The following MAGI2 variants were observed in gnomAD, a reference collection of about 807,000 sequenced individuals.
MAGI2 encodes membrane-associated guanylate kinase, WW and PDZ domain-containing protein 2.
MAGI2 carries 35 observed loss-of-function variants against 133.3 expected under a neutral mutation model. The observed-to-expected ratio is 0.26, with a 90% CI of 0.20 to 0.35. The LOEUF (loss-of-function observed/expected upper bound fraction) is 0.35, where lower values mean the gene tolerates loss of function less well. Among genes scored for constraint, MAGI2 ranks in the 10% least tolerant of loss-of-function variants. The pLI is 1.00. For missense variants in MAGI2, 1,636 were observed against 1,863.4 expected (o/e 0.88, Z 2.25); for synonymous variants, 729 against 710.6 (o/e 1.03, Z -0.41).
At chr7:78,867,412 T>C (rs1794650210) in intron 2 of MAGI2, among the ~76,000 whole-genome samples, 2 of 150,764 alleles carry the variant, frequency 1.3e-5, no homozygotes, top group South Asian at 4.2e-4. Flanking sequence ...AAATTGGAAA[T>C]CATCATTCTC....
chr7:78,323,182 C>A (rs1412601269), intron 9 of MAGI2, among the ~76,000 whole-genome samples: 2 of 152,056 alleles, frequency 1.3e-5, no homozygotes, highest in East Asian at 3.9e-4. Context: ...GTTTTCTAGG[C>A]AAGAATATCA....
chr7:78,406,755 A>G (rs1797415003), intron 6 of MAGI2, among the ~76,000 whole-genome samples: 1 of 152,204 alleles, frequency 6.6e-6, no homozygotes, highest in East Asian at 1.9e-4. Flanking sequence ...CACTTTACAC[A>G]GCTGTAAACT....
intron 1 of MAGI2, among the ~76,000 whole-genome samples, chr7:79,076,824 G>T (rs982559202): frequency 6.6e-6 from 1 of 151,964 alleles, no homozygotes. Flanking sequence ...TATTGTGGTG[G>T]ACATTTGCCA....
chr7:78,370,610 C>T (rs1793823563), intron 6 of MAGI2, among the ~76,000 whole-genome samples: 1 of 112,594 alleles, frequency 8.9e-6, no homozygotes, highest in Non-Finnish European at 2.2e-5. Flanking sequence ...ACCTTCCCAA[C>T]TCATAAAAAA....
intron 2 of MAGI2, among the ~76,000 whole-genome samples, chr7:78,741,209 C>G (rs373322125): frequency 2.6e-5 from 4 of 151,944 alleles, no homozygotes; most frequent in African/African-American, 9.7e-5. Context: ...GTTGGGTAAT[C>G]TAAGAAGCTT....
At chr7:78,715,392 A>T (rs1467502478) in intron 2 of MAGI2, among the ~76,000 whole-genome samples, 1 of 152,194 alleles carries the variant, frequency 6.6e-6, no homozygotes, top group East Asian at 1.9e-4. Flanking sequence ...TATATTTTTA[A>T]AGTTTCCTTG....
chr7:78,628,334 C>A (rs1217279805), intron 2 of MAGI2, among the ~76,000 whole-genome samples: 1 of 152,122 alleles, frequency 6.6e-6, no homozygotes, highest in African/African-American at 2.4e-5. Context: ...CATTGGCAGG[C>A]TTCATATATA....
At chr7:78,751,026 C>A (rs1400557363) in intron 2 of MAGI2, among the ~76,000 whole-genome samples, 1 of 152,062 alleles carries the variant, frequency 6.6e-6, no homozygotes. Flanking sequence ...ACAGACAAAT[C>A]TAACCCATGG....
chr7:79,350,616 T>G (rs992408769), intron 1 of MAGI2, among the ~76,000 whole-genome samples: 30 of 152,270 alleles, frequency 2.0e-4, no homozygotes, highest in African/African-American at 6.7e-4. Context: ...CATCTTCCTT[T>G]GAATTTTTGT....
chr7:79,423,742 A>G (rs1847140444), intron 1 of MAGI2, among the ~76,000 whole-genome samples: 1 of 152,058 alleles, frequency 6.6e-6, no homozygotes, highest in Non-Finnish European at 1.5e-5. Context: ...CAATCAACCA[A>G]TCTTGGAGTC....
At chr7:79,219,652 G>A (rs112889060) in intron 1 of MAGI2, among the ~76,000 whole-genome samples, 1 of 152,006 alleles carries the variant, frequency 6.6e-6, no homozygotes, top group Non-Finnish European at 1.5e-5. Flanking sequence ...AATGACAAAT[G>A]AATGAGACAT....
chr7:79,301,380 C>A (rs1581655), intron 1 of MAGI2, among the ~76,000 whole-genome samples: 25,111 of 152,164 alleles, frequency 0.17, 2,359 homozygotes, highest in East Asian at 0.35. Flanking sequence ...ACCAATGTGC[C>A]CTGGATGTGG....
At chr7:79,290,310 A>T (rs1836362656) in intron 1 of MAGI2, among the ~76,000 whole-genome samples, 1 of 151,794 alleles carries the variant, frequency 6.6e-6, no homozygotes. Flanking sequence ...AGCTTCGATC[A>T]CTTTTGCTAT....
chr7:78,635,839 C>T lies in MAGI2; in HGVS notation c.419-8600G>A, dbSNP rs139063085. On this transcript the variant is annotated intron_variant, in intron 2 of 21. Coordinates refer to ENST00000354212, the MANE Select transcript of MAGI2 (RefSeq NM_012301.4). ...ACATACATCCGATAGATTCCTTTGGCCAATGCCTGTAATCAATTTTTACAC... is the reference window on the plus strand; with the variant it reads ...ACATACATCCGATAGATTCCTTTGGTCAATGCCTGTAATCAATTTTTACAC... 5.5e-3 allele frequency among the ~76,000 whole-genome samples: 831 copies of T among 152,318 alleles called. 4 individuals are homozygous for T. Among genetic ancestry groups the T allele is most frequent in the African/African-American group, 0.019 (783 of 41,570 alleles).
In MAGI2 at chr7:78,019,485, G is replaced by C; in HGVS notation, c.4198C>G (p.Leu1400Val). 1 of 980,076 alleles carries C rather than the reference G, an allele frequency of 1.0e-6. No homozygotes were observed. The highest frequency in any genetic ancestry group is 5.3e-4 in the Middle Eastern group (1 of 1,904). 60.7% of individuals were successfully genotyped at this position (980,076 alleles called of 1,614,324 possible). A position where few individuals can be genotyped will look rare whatever the true frequency, so the allele number is the denominator to read the frequency against. The part of the protein sequence containing the change: ...AGPGGGGSGA[L>V]EAEGRAGARA... ...GCACCCGCCCTGCCCTCGGCCTCCA[G>C]CGCGCCGCTGCCGCCGCCGCCCGGG... is the stretch of plus-strand genomic sequence containing the variant. Residue 1400 changes from leucine (L) to valine (V), a missense_variant, in exon 22 of 22, where the codon CTG becomes GTG. Leu to Val is a conservative substitution (Grantham distance 32, BLOSUM62 1). This residue lies in a region of MAGI2 where 354 missense variants were observed against 298.7 expected (regional missense o/e 1.19). Coordinates refer to ENST00000354212, the MANE Select transcript of MAGI2 (RefSeq NM_012301.4).
intron 3 of MAGI2, among the ~76,000 whole-genome samples, chr7:78,601,380 G>A (rs1805187602): frequency 6.6e-6 from 1 of 152,186 alleles, no homozygotes; most frequent in African/African-American, 2.4e-5. Flanking sequence ...ATTTGAAAAT[G>A]TGACTTATTT....
intron 2 of MAGI2, among the ~76,000 whole-genome samples, chr7:78,988,906 C>T (rs948476940): frequency 6.6e-6 from 1 of 152,058 alleles, no homozygotes; most frequent in Non-Finnish European, 1.5e-5. Context: ...CAGATGATGA[C>T]ATAGAGTAAT....
At chr7:79,283,503 A>G (rs1051954791) in intron 1 of MAGI2, among the ~76,000 whole-genome samples, 1 of 152,072 alleles carries the variant, frequency 6.6e-6, no homozygotes, top group African/African-American at 2.4e-5. Context: ...GAGGGACCTT[A>G]ATCTTCAGAG....
intron 2 of MAGI2, among the ~76,000 whole-genome samples, chr7:78,719,395 G>A (rs1241058186): frequency 6.6e-6 from 1 of 152,086 alleles, no homozygotes; most frequent in African/African-American, 2.4e-5. Context: ...AACTGTAAGT[G>A]ACCTTCAAAT....
Sources: gnomAD v4.1 joint callset for allele counts (sites outside exome capture counted in the v4.1 genomes callset) on GRCh38, gnomAD v4.1.1 for gene constraint, gnomAD v4.1.1 regional missense constraint, MANE v1.5 for transcripts, NCBI Gene and HGNC (gene_info 2026-07-23, HGNC 2026-07-21) for gene names.